COL6A6: variants seen among roughly 807,000 people sequenced by gnomAD.
COL6A6 encodes collagen alpha-6(VI) chain.
In COL6A6, 183 loss-of-function variants were observed where a neutral mutation model predicts 208.6. The ratio of observed to expected loss-of-function variants is 0.88; its 90% CI spans 0.78 to 0.99. The LOEUF is 0.99. Among genes scored for constraint, COL6A6 ranks in the 50% least tolerant of loss-of-function variants. The pLI is 0.00. For missense variants in COL6A6, 2,816 were observed against 2,815.2 expected, an observed-to-expected ratio of 1.00 and a Z score of -0.01; for synonymous variants, 973 against 1,011.8, an observed-to-expected ratio of 0.96 and a Z score of 0.73.
chr3:130,522,725 G>A (rs1577587593), intron 1 of COL6A6, among the ~76,000 whole-genome samples: 1 of 152,070 alleles, frequency 6.6e-6, no homozygotes, highest in South Asian at 2.1e-4. Context: ...GGCCCCATCA[G>A]AAAACTTTGA....
At chr3:130,639,250 A>ATATTC (rs2065241278) in intron 28 of COL6A6, among the ~76,000 whole-genome samples, 1 of 151,604 alleles carries the variant, frequency 6.6e-6, no homozygotes, top group African/African-American at 2.4e-5. Flanking sequence ...TGATTAAAAT[A>ATATTC]TCTTACCTTT....
In COL6A6 at chr3:130,642,868, G is replaced by A; in HGVS notation, c.5190+1G>A. The A allele has an allele frequency of 6.2e-7, 1 of 1,613,904 alleles. No homozygotes were observed. The highest frequency in any genetic ancestry group is 8.5e-7 in the Non-Finnish European group (1 of 1,179,840). On this transcript the variant is annotated splice_donor_variant, in intron 30 of 36. Coordinates refer to ENST00000358511, the MANE Select transcript of COL6A6 (RefSeq NM_001102608.3). LOFTEE classifies it high-confidence loss of function. ...AGCCAAAGGCTTGGCTTCATTTTCT[G>A]TACGTATCTCCCGACTACAACAGAG...
chr3:130,539,346 T>C (rs1282459126), intron 1 of COL6A6, among the ~76,000 whole-genome samples: 2 of 152,226 alleles, frequency 1.3e-5, no homozygotes, highest in Non-Finnish European at 2.9e-5. Context: ...GATGAAATTT[T>C]ATTTCTGGGC....
At chr3:130,621,460 T>G (rs2064714371) in intron 23 of COL6A6, among the ~76,000 whole-genome samples, 1 of 152,210 alleles carries the variant, frequency 6.6e-6, no homozygotes. Context: ...AGCCAGTCCT[T>G]TCTACCAAAG....
At chr3:130,566,291 A>G (rs149088844) in intron 4 of COL6A6, among the ~76,000 whole-genome samples, 1,649 of 152,296 alleles carry the variant, frequency 0.011, 37 homozygotes, top group African/African-American at 0.038. Flanking sequence ...TAAGGAGTAA[A>G]TAATTTGCTC....
intron 3 of COL6A6, 96 bp from the exon 4 acceptor site, chr3:130,564,898 A>G: frequency 1.5e-6 from 2 of 1,367,384 alleles, no homozygotes; most frequent in Non-Finnish European, 1.0e-6. Context: ...TAAGTGCATA[A>G]CTGAGCTCTG....
In COL6A6 at chr3:130,621,821, G is replaced by A. The variant is rs1277146949; in HGVS notation, c.4816G>A (p.Gly1606Arg). Residue 1606 changes from glycine to arginine, a missense_variant and splice_region_variant, in exon 24 of 37, where the codon GGG becomes AGG. Transcript: ENST00000358511. ...TTGCAAACCCCTTGTTTTGTTTCAG[G>A]GGCCTCCAGGACCCGGAGGAGAGGC... ...KGGVGSKGPQ[G>R]PPGPGGEAGN... 18 of 1,613,300 alleles carry A rather than the reference G, an allele frequency of 1.1e-5. No homozygotes were observed. Among genetic ancestry groups the A allele is most frequent in the Non-Finnish European group, 1.4e-5 (17 of 1,179,484 alleles).
chr3:130,560,345 A>T lies in COL6A6; in HGVS notation c.-20A>T. On this transcript the variant is annotated 5_prime_UTR_variant, in exon 2 of 37. Coordinates refer to ENST00000358511, the MANE Select transcript of COL6A6 (RefSeq NM_001102608.3). Reference sequence around the variant, plus strand: ...TTTTGCCTTTTCAGATTTGAAGTTGAAGATTTTTCAGGTCATAATATGATG... The same window carrying T: ...TTTTGCCTTTTCAGATTTGAAGTTGTAGATTTTTCAGGTCATAATATGATG... 1 of 1,598,386 alleles carries T rather than the reference A, an allele frequency of 6.3e-7. No homozygotes were observed. Among genetic ancestry groups the T allele is most frequent in the East Asian group, 2.2e-5 (1 of 44,588 alleles).
At chr3:130,545,020 T>G (rs142602284) in intron 1 of COL6A6, among the ~76,000 whole-genome samples, 146 of 152,358 alleles carry the variant, frequency 9.6e-4, no homozygotes, top group African/African-American at 3.1e-3. Context: ...TTTAGTTTGA[T>G]GTATGCCCAT....
intron 1 of COL6A6, among the ~76,000 whole-genome samples, chr3:130,544,307 A>G (rs1375095475): frequency 6.6e-6 from 1 of 152,196 alleles, no homozygotes; most frequent in Non-Finnish European, 1.5e-5. Context: ...AGTGTCATCC[A>G]GTCTCATCCA....
chr3:130,531,061 G>GTCTCTCTCTCTCTCTCTCTCTCTCTC (rs10662894), intron 1 of COL6A6, among the ~76,000 whole-genome samples: 4 of 136,658 alleles, frequency 2.9e-5, no homozygotes, highest in African/African-American at 1.2e-4. Flanking sequence ...CACACACACA[G>GTCTCTCTCTCTCTCTCTCTCTCTCTC]TCTCTCTCTC....
chr3:130,596,368 C>G (rs2063851354), intron 18 of COL6A6, among the ~76,000 whole-genome samples: 1 of 152,136 alleles, frequency 6.6e-6, no homozygotes, highest in Non-Finnish European at 1.5e-5. Context: ...CAGAATTTCT[C>G]CTAAATTGTC....
Position 130,517,254 on chromosome 3 carries a change from C to T in COL6A6, c.-175C>T, listed in dbSNP as rs949288003. On this transcript the variant is annotated 5_prime_UTR_variant, in exon 1 of 37. Transcript: ENST00000358511. Reference sequence around the variant, plus strand: ...CCTGTCCGTTCCACGGTTCCGAGGTCTCCACCGTCTCCCCGCGCGCCGCAG... The same window carrying T: ...CCTGTCCGTTCCACGGTTCCGAGGTTTCCACCGTCTCCCCGCGCGCCGCAG... Among the ~76,000 whole-genome samples the T allele has an allele frequency of 6.6e-6, 1 of 152,214 alleles. No homozygotes were observed. The highest frequency in any genetic ancestry group is 1.5e-5 in the Non-Finnish European group (1 of 68,036).
chr3:130,575,788 C>T (rs941773846), intron 8 of COL6A6, among the ~76,000 whole-genome samples: 1 of 152,122 alleles, frequency 6.6e-6, no homozygotes, highest in East Asian at 1.9e-4. Flanking sequence ...GAAAATAGCC[C>T]GTGTCTAAAG....
intron 23 of COL6A6, among the ~76,000 whole-genome samples, chr3:130,619,648 C>A (rs895560798): frequency 1.3e-5 from 2 of 151,972 alleles, no homozygotes; most frequent in African/African-American, 4.8e-5. Flanking sequence ...TTAGGAGAGC[C>A]AAGAATTTAG....
At chr3:130,603,931 C>G (rs2064102594) in intron 20 of COL6A6, among the ~76,000 whole-genome samples, 1 of 152,094 alleles carries the variant, frequency 6.6e-6, no homozygotes. Flanking sequence ...TCTTGGCCAT[C>G]TTCTTCTCAG....
chr3:130,666,107 G>C (rs922745025), intron 36 of COL6A6, among the ~76,000 whole-genome samples: 2 of 152,076 alleles, frequency 1.3e-5, no homozygotes, highest in African/African-American at 4.8e-5. Context: ...TTGTTTATAG[G>C]ATTCATATCA....
At chr3:130,646,589 A>G (rs1170465784) in intron 32 of COL6A6, among the ~76,000 whole-genome samples, 1 of 152,204 alleles carries the variant, frequency 6.6e-6, no homozygotes, top group Non-Finnish European at 1.5e-5. Context: ...AAAAAAACCA[A>G]AGGAGCCATC....
intron 32 of COL6A6, among the ~76,000 whole-genome samples, chr3:130,647,777 C>T (rs1346343133): frequency 6.6e-6 from 1 of 152,204 alleles, no homozygotes; most frequent in Admixed American, 6.5e-5. Context: ...TGTTTATTAT[C>T]TCTGAATCTG....
Sources: gnomAD v4.1 joint callset for allele counts (sites outside exome capture counted in the v4.1 genomes callset) on GRCh38, gnomAD v4.1.1 for gene constraint, MANE v1.5 for transcripts, NCBI Gene and HGNC (gene_info 2026-07-23, HGNC 2026-07-21) for gene names.